Variants in CDH1 observed in about 807,000 individuals in gnomAD.
CDH1 encodes the protein cadherin 1.
In CDH1, 35 loss-of-function variants were observed where a neutral mutation model predicts 84.5. The ratio of observed to expected loss-of-function variants is 0.41; its 90% CI spans 0.32 to 0.55. CDH1 has a LOEUF of 0.55. Ranked by LOEUF, CDH1 falls within the 20% of genes least tolerant of loss-of-function variation. The pLI, the probability that CDH1 is intolerant of heterozygous loss-of-function variation, is 0.19. For missense variants in CDH1, 994 were observed against 1,126.6 expected, an observed-to-expected ratio of 0.88 and a Z score of 1.68; for synonymous variants, 417 against 439.0, an observed-to-expected ratio of 0.95 and a Z score of 0.63.
chr16:68,797,391 A>AT (rs1960391505), intron 2 of CDH1, among the ~76,000 whole-genome samples: 1 of 152,082 alleles, frequency 6.6e-6, no homozygotes, highest in Admixed American at 6.5e-5. Flanking sequence ...TTCTCAAAAA[A>AT]TTAAAATGAG....
chr16:68,829,055 C>T (rs1222988189), intron 14 of CDH1, among the ~76,000 whole-genome samples: 1 of 152,200 alleles, frequency 6.6e-6, no homozygotes, highest in East Asian at 1.9e-4. Flanking sequence ...CTCAGCGGCA[C>T]ACAACATGCG....
chr16:68,823,673 A>G (rs769437949), intron 13 of CDH1, 47 bp downstream of exon 13: 2 of 1,267,962 alleles, frequency 1.6e-6, no homozygotes, highest in South Asian at 1.2e-5. Flanking sequence ...AAAAAAATGG[A>G]GGAGGTTTAT....
At chr16:68,801,641 T>A (rs974174729) in intron 2 of CDH1, 29 bp from the exon 3 acceptor site, 14 of 1,571,964 alleles carry the variant, frequency 8.9e-6, no homozygotes, top group Non-Finnish European at 1.2e-5. Flanking sequence ...CTGTCCAATT[T>A]CCTAATCTCT....
chr16:68,794,183 C>T (rs868744644), intron 2 of CDH1, among the ~76,000 whole-genome samples: 9 of 151,322 alleles, frequency 5.9e-5, no homozygotes, highest in Non-Finnish European at 1.0e-4. Flanking sequence ...CAGGCACACA[C>T]CACTGCTCCC....
chr16:68,794,656 A>T (rs1960307723), intron 2 of CDH1, among the ~76,000 whole-genome samples: 1 of 150,000 alleles, frequency 6.7e-6, no homozygotes, highest in Admixed American at 6.7e-5. Flanking sequence ...AATATCTAGG[A>T]CTACAGGTGC....
At chr16:68,788,834 T>TA (rs887696991) in intron 2 of CDH1, among the ~76,000 whole-genome samples, 38 of 151,506 alleles carry the variant, frequency 2.5e-4, no homozygotes, top group Non-Finnish European at 3.8e-4. Flanking sequence ...CCATCTCTCC[T>TA]AAAAAAAACA....
intron 13 of CDH1, among the ~76,000 whole-genome samples, chr16:68,827,113 A>G (rs1961341467): frequency 6.6e-6 from 1 of 152,102 alleles, no homozygotes; most frequent in Non-Finnish European, 1.5e-5. Flanking sequence ...TCTACTAAAA[A>G]TACAAAAATT....
chr16:68,757,660 C>G (rs1023306241), intron 2 of CDH1, among the ~76,000 whole-genome samples: 24 of 152,180 alleles, frequency 1.6e-4, no homozygotes, highest in Admixed American at 1.6e-3. Flanking sequence ...TGGAATGCAG[C>G]AGGATTGCCT....
chr16:68,795,056 G>T (rs1046213371), intron 2 of CDH1, among the ~76,000 whole-genome samples: 1 of 152,096 alleles, frequency 6.6e-6, no homozygotes, highest in Non-Finnish European at 1.5e-5. Context: ...TGTTGCTCAG[G>T]CTAGTCTTGC....
intron 11 of CDH1, 134 bp from the exon 12 acceptor site, chr16:68,821,867 G>C: frequency 1.4e-6 from 1 of 736,714 alleles, no homozygotes; most frequent in Non-Finnish European, 2.4e-6. Flanking sequence ...GGGACAGGAG[G>C]TTCTGCGGGT....
intron 2 of CDH1, among the ~76,000 whole-genome samples, chr16:68,750,392 G>A (rs559587380): frequency 6.6e-6 from 1 of 151,880 alleles, no homozygotes; most frequent in African/African-American, 2.4e-5. Context: ...TACTCAAGCC[G>A]CTTGGCCAGG....
chr16:68,821,277 A>G lies in CDH1; in HGVS notation c.1712-724A>G, dbSNP rs183876095. Among the ~76,000 whole-genome samples, 98 of 152,214 alleles carry G rather than the reference A, an allele frequency of 6.4e-4. 2 individuals carry two copies. The East Asian group carries it at 0.014, about 22-fold the overall frequency. On this transcript the variant is annotated intron_variant, in intron 11 of 15. Coordinates refer to ENST00000261769, the MANE Select transcript of CDH1 (RefSeq NM_004360.5). ...CACTTGAGCTCAAGAGTTCAAGACC[A>G]GCCTGAGCAACATGATAAGACCCCC...
At chr16:68,804,886 A>C (rs892428055) in intron 3 of CDH1, among the ~76,000 whole-genome samples, 1 of 124,684 alleles carries the variant, frequency 8.0e-6, no homozygotes. Context: ...GCTGGAGTGC[A>C]GTGGTGGGAA....
At chr16:68,772,758 G>A (rs989828487) in intron 2 of CDH1, among the ~76,000 whole-genome samples, 16 of 151,750 alleles carry the variant, frequency 1.1e-4, no homozygotes, top group African/African-American at 3.4e-4. Context: ...AACAGAGTGA[G>A]ACCCCATCCT....
intron 7 of CDH1, 22 bp from the exon 8 acceptor site, chr16:68,812,113 G>A (rs1441912883): frequency 1.9e-6 from 3 of 1,613,958 alleles, no homozygotes; most frequent in East Asian, 2.2e-5. Context: ...GTCCTGACTT[G>A]GTTGTGTCGA....
rs1961609632 is a variant in CDH1, at chr16:68,835,377, T to G, written c.*1878T>G. On this transcript the variant is annotated 3_prime_UTR_variant, in exon 16 of 16. Transcript: ENST00000261769. Reference sequence around the variant, plus strand: ...TCGGCAGTTCAAGCTATATCGAATATAGTTCTGTGTAGAGAATGTCACTGT... The same window carrying G: ...TCGGCAGTTCAAGCTATATCGAATAGAGTTCTGTGTAGAGAATGTCACTGT... 1 of 221,216 alleles carries G rather than the reference T, an allele frequency of 4.5e-6. No homozygotes were observed. Among genetic ancestry groups the G allele is most frequent in the South Asian group, 1.8e-4 (1 of 5,424 alleles). 13.7% of individuals were successfully genotyped at this position (221,216 alleles called of 1,614,324 possible). A position where few individuals can be genotyped will look rare whatever the true frequency, so the allele number is the denominator to read the frequency against.
At chr16:68,808,924 CG>C in intron 5 of CDH1, 76 bp downstream of exon 5, 1 of 1,410,496 alleles carries the variant, frequency 7.1e-7, no homozygotes, top group Non-Finnish European at 9.9e-7. Context: ...ATGCTGGATC[CG>C]CAGATCAGAG....
In CDH1 at chr16:68,747,048, T is replaced by C. The variant is rs151108040; in HGVS notation, c.163+8637T>C. Among the ~76,000 whole-genome samples, 197 of 152,232 alleles carry C rather than the reference T, an allele frequency of 1.3e-3. 2 individuals are homozygous for C. Among genetic ancestry groups the C allele is most frequent in the Admixed American group, 0.011 (173 of 15,302 alleles). ...GCACCCAGGCCTAAGACTCACCCCC[T>C]ACACTCAGGGAGATTCCAGAAAATC... On this transcript the variant is annotated intron_variant, in intron 2 of 15. Coordinates refer to ENST00000261769, the MANE Select transcript of CDH1 (RefSeq NM_004360.5).
At chr16:68,809,987 C>T (rs931161797) in intron 5 of CDH1, among the ~76,000 whole-genome samples, 5 of 152,158 alleles carry the variant, frequency 3.3e-5, no homozygotes, top group South Asian at 2.1e-4. Context: ...AGGTCTGAGC[C>T]GTGGGGGGTG....
Sources: gnomAD v4.1 joint callset for allele counts (sites outside exome capture counted in the v4.1 genomes callset) on GRCh38, gnomAD v4.1.1 for gene constraint, MANE v1.5 for transcripts, NCBI Gene and HGNC (gene_info 2026-07-23, HGNC 2026-07-21) for gene names.